The following SCN2A variants were observed in gnomAD, a reference collection of about 807,000 sequenced individuals.
SCN2A encodes sodium voltage-gated channel alpha subunit 2, also known as sodium channel protein type 2 subunit alpha.
A neutral mutation model predicts 188.7 loss-of-function variants in SCN2A; 20 were observed. The ratio of observed to expected loss-of-function variants is 0.11; its 90% confidence interval spans 0.07 to 0.15. The LOEUF is 0.15. SCN2A is among the 10% of genes least tolerant of loss of function. The pLI, the probability that SCN2A is intolerant of heterozygous loss-of-function variation, is 1.00. For missense variants in SCN2A, 1,278 were observed against 2,445.0 expected, an observed-to-expected ratio of 0.52 and a Z score of 10.07; for synonymous variants, 804 against 833.1, an observed-to-expected ratio of 0.97 and a Z score of 0.60.
rs954335008 is a variant in SCN2A, at chr2:165,274,951, G to A, written c.-51-20822G>A. Among the ~76,000 whole-genome samples the A allele has an allele frequency of 2.6e-5, 4 of 152,098 alleles. No individual in the cohort carries two copies. In the South Asian group the frequency reaches 6.2e-4, roughly 24 times the overall value. On this transcript the variant is annotated intron_variant, in intron 1 of 26. Coordinates refer to ENST00000375437, the MANE Select transcript of SCN2A (RefSeq NM_001040142.2). Reference sequence around the variant, plus strand: ...TTTCTGGTATGATTGTTGCTTCTCCGGGTCTGGCTTGGGCTCTGATCTTGA... The same window carrying A: ...TTTCTGGTATGATTGTTGCTTCTCCAGGTCTGGCTTGGGCTCTGATCTTGA...
chr2:165,246,315 G>A (rs1380343717), intron 1 of SCN2A, among the ~76,000 whole-genome samples: 1 of 152,098 alleles, frequency 6.6e-6, no homozygotes, highest in Non-Finnish European at 1.5e-5. Flanking sequence ...CCTCTTAACA[G>A]ACTATCCTGT....
intron 1 of SCN2A, among the ~76,000 whole-genome samples, chr2:165,247,281 TC>T (rs1693888819): frequency 1.3e-5 from 2 of 152,206 alleles, no homozygotes; most frequent in Admixed American, 6.5e-5. Flanking sequence ...CCTTCAACTA[TC>T]TTTTTTTTAT....
intron 1 of SCN2A, among the ~76,000 whole-genome samples, chr2:165,289,485 T>C (rs1393145778): frequency 6.6e-6 from 1 of 152,100 alleles, no homozygotes; most frequent in Non-Finnish European, 1.5e-5. Flanking sequence ...CTTCCAAATA[T>C]AGTGTCTGGC....
intron 25 of SCN2A, among the ~76,000 whole-genome samples, chr2:165,383,426 AG>A (rs1337735310): frequency 6.6e-6 from 1 of 152,164 alleles, no homozygotes; most frequent in Non-Finnish European, 1.5e-5. Context: ...CAGAAAGTCA[AG>A]GTTCATTTGG....
At chr2:165,251,951 G>C (rs1309867285) in intron 1 of SCN2A, among the ~76,000 whole-genome samples, 3 of 151,742 alleles carry the variant, frequency 2.0e-5, no homozygotes, top group Non-Finnish European at 4.4e-5. Flanking sequence ...TAAAATATAA[G>C]GCTACTGAAG....
At chr2:165,378,914 C>A (rs1701453710) in intron 23 of SCN2A, among the ~76,000 whole-genome samples, 1 of 151,738 alleles carries the variant, frequency 6.6e-6, no homozygotes, top group Non-Finnish European at 1.5e-5. Flanking sequence ...ATTATCTACA[C>A]ACCTACCAGA....
intron 20 of SCN2A, 28 bp from the exon 21 acceptor site, chr2:165,373,197 A>G (rs980053805): frequency 6.2e-7 from 1 of 1,611,598 alleles, no homozygotes; most frequent in Non-Finnish European, 8.5e-7. Flanking sequence ...TATGTAAATA[A>G]GAAAATTGTG....
chr2:165,337,353 A>G (rs979088903), intron 14 of SCN2A, among the ~76,000 whole-genome samples: 3 of 152,086 alleles, frequency 2.0e-5, no homozygotes, highest in African/African-American at 4.8e-5. Context: ...TATTTATATA[A>G]TGGGAGAATC....
intron 1 of SCN2A, among the ~76,000 whole-genome samples, chr2:165,247,939 C>G (rs920310083): frequency 6.6e-6 from 1 of 152,170 alleles, no homozygotes; most frequent in Non-Finnish European, 1.5e-5. Context: ...GGAGATAACT[C>G]TAGTTTTCCT....
chr2:165,356,638 A>T (rs1460282286), intron 17 of SCN2A, among the ~76,000 whole-genome samples: 1 of 152,196 alleles, frequency 6.6e-6, no homozygotes, highest in Non-Finnish European at 1.5e-5. Flanking sequence ...TCAAACGTTG[A>T]AGCCATTGGC....
At chr2:165,375,424 C>A (rs535220317) in intron 22 of SCN2A, among the ~76,000 whole-genome samples, 2 of 151,208 alleles carry the variant, frequency 1.3e-5, no homozygotes, top group Non-Finnish European at 2.9e-5. Flanking sequence ...TATACACACA[C>A]GTATTTCTAT....
intron 26 of SCN2A, 87 bp downstream of exon 26, chr2:165,387,103 T>C (rs1701916747): frequency 7.5e-7 from 1 of 1,332,602 alleles, no homozygotes; most frequent in Admixed American, 1.7e-5. Context: ...CACTAATCTT[T>C]CTCATTCATC....
intron 1 of SCN2A, among the ~76,000 whole-genome samples, chr2:165,292,485 A>G (rs1168621448): frequency 2.0e-5 from 3 of 151,872 alleles, no homozygotes; most frequent in Non-Finnish European, 4.4e-5. Context: ...CCCCCACCCT[A>G]TACCCACTTA....
At chr2:165,315,441 G>A in intron 10 of SCN2A, 30 bp from the exon 11 acceptor site, 1 of 1,613,038 alleles carries the variant, frequency 6.2e-7, no homozygotes, top group Admixed American at 1.7e-5. Context: ...AAGTTTATAT[G>A]CAACTTCCAC....
At chr2:165,257,502 TC>T (rs1165611158) in intron 1 of SCN2A, among the ~76,000 whole-genome samples, 1 of 152,256 alleles carries the variant, frequency 6.6e-6, no homozygotes, top group Non-Finnish European at 1.5e-5. Flanking sequence ...GGTTTTTGTT[TC>T]TGTGTTTTGT....
intron 17 of SCN2A, among the ~76,000 whole-genome samples, chr2:165,361,149 T>C (rs1399159698): frequency 6.6e-6 from 1 of 152,006 alleles, no homozygotes; most frequent in Non-Finnish European, 1.5e-5. Flanking sequence ...GTCATTTAAT[T>C]GATGTTATCA....
At position 165,354,260 on chromosome 2, in the gene SCN2A, T is replaced by C. The variant is rs1336450922; in HGVS notation, c.2988T>C (p.Asp996=). ...CTGACAATCTTGCTGCCACTGATGA[T>C]GATAACGAAATGAATAATCTCCAGA... ...FSSDNLAATD[D]DNEMNNLQIA... The change falls in exon 17 of 27, where the codon GAT becomes GAC. Residue 996 remains aspartate (D), a synonymous_variant. Transcript: ENST00000375437. 1.2e-6 allele frequency: 2 copies of C among 1,614,120 alleles called. No individual in the cohort carries two copies. Among genetic ancestry groups the C allele is most frequent in the South Asian group, 2.2e-5 (2 of 91,082 alleles).
intron 16 of SCN2A, among the ~76,000 whole-genome samples, chr2:165,351,066 G>A (rs544995670): frequency 9.2e-5 from 14 of 152,164 alleles, no homozygotes; most frequent in Non-Finnish European, 2.1e-4. Flanking sequence ...CTAGAAAAAC[G>A]ATTACATTTA....
rs1264523795 is a variant in SCN2A, at chr2:165,307,279, C to A, written c.387-569C>A. Among the ~76,000 whole-genome samples, 9 of 152,212 alleles carry A rather than the reference C, an allele frequency of 5.9e-5. No homozygotes were observed. In the East Asian group the frequency reaches 1.7e-3, roughly 29 times the overall value. Reference sequence around the variant, plus strand: ...ACCAAGTCAATTGAGATTCAGGGAACTTAATAAGTAATTTTGCCTTAGTTA... The same window carrying A: ...ACCAAGTCAATTGAGATTCAGGGAAATTAATAAGTAATTTTGCCTTAGTTA... On this transcript the variant is annotated intron_variant, in intron 3 of 26. Coordinates refer to ENST00000375437, the MANE Select transcript of SCN2A (RefSeq NM_001040142.2).
Sources: gnomAD v4.1 joint callset for allele counts (sites outside exome capture counted in the v4.1 genomes callset) on GRCh38, gnomAD v4.1.1 for gene constraint, MANE v1.5 for transcripts, NCBI Gene and HGNC (gene_info 2026-07-23, HGNC 2026-07-21) for gene names.